Variants in H1-8 observed in about 807,000 individuals in gnomAD.
H1-8 encodes H1.8 linker histone.
In H1-8, 13 loss-of-function variants were observed where a neutral mutation model predicts 19.5. The ratio of observed to expected loss-of-function variants is 0.67; its 90% CI spans 0.43 to 1.06. The LOEUF (loss-of-function observed/expected upper bound fraction) is 1.06. H1-8 is among the 50% of genes least tolerant of loss of function. The pLI is 0.00. For synonymous variants in H1-8, 193 were observed against 187.6 expected, an observed-to-expected ratio of 1.03 and a Z score of -0.24; for missense variants, 432 against 459.8, an observed-to-expected ratio of 0.94 and a Z score of 0.55.
chr3:129,546,153 A>G (rs890673245), intron 1 of H1-8, among the ~76,000 whole-genome samples: 1 of 142,732 alleles, frequency 7.0e-6, no homozygotes, highest in Non-Finnish European at 1.5e-5. Context: ...TAATAATAAT[A>G]ATAATGATAA....
chr3:129,544,761 C>T (rs540166579), intron 1 of H1-8, among the ~76,000 whole-genome samples: 16 of 152,082 alleles, frequency 1.1e-4, no homozygotes, highest in African/African-American at 3.9e-4. Context: ...AGCGAAGACC[C>T]TTGGGAAGCC....
chr3:129,546,114 A>G (rs2084884733), intron 1 of H1-8, among the ~76,000 whole-genome samples: 1 of 115,392 alleles, frequency 8.7e-6, no homozygotes, highest in South Asian at 3.1e-4. Context: ...TGTGTCAAAT[A>G]ACAATAACAA....
intron 2 of H1-8, among the ~76,000 whole-genome samples, chr3:129,548,686 C>T (rs1338686648): frequency 1.3e-5 from 2 of 150,322 alleles, no homozygotes; most frequent in African/African-American, 2.4e-5. Context: ...TTCTGCTGAG[C>T]GTCAAGGGGC....
chr3:129,548,950 C>T (rs748844853), intron 2 of H1-8, 51 bp from the exon 3 acceptor site: 30 of 1,539,476 alleles, frequency 1.9e-5, no homozygotes, highest in South Asian at 7.7e-5. Context: ...GGGTGGGGGG[C>T]GTGAGGCACC....
chr3:129,544,067 G>A (rs923756027), intron 1 of H1-8, among the ~76,000 whole-genome samples: 3 of 152,310 alleles, frequency 2.0e-5, no homozygotes, highest in Middle Eastern at 3.4e-3. Flanking sequence ...AAACCAAGGT[G>A]CATTTTGAGC....
At position 129,549,164 on chromosome 3, in the gene H1-8, C is replaced by G; in HGVS notation, c.542C>G (p.Ala181Gly). The change falls in exon 3 of 5, where the codon GCA (alanine) becomes GGA (glycine). Residue 181 changes from alanine (A) to glycine (G), a missense_variant. By Grantham distance (60) the Ala-to-Gly change is moderately conservative (BLOSUM62 0). Coordinates refer to ENST00000324382, the MANE Select transcript of H1-8 (RefSeq NM_153833.3). ...GTGAAAAAGGCAGCCAAGAGGCCAGCAAAGGTGCAGAAGCCTCCTCCCAAG... is the reference window on the plus strand; with the variant it reads ...GTGAAAAAGGCAGCCAAGAGGCCAGGAAAGGTGCAGAAGCCTCCTCCCAAG... The part of the protein sequence containing the change: ...GKVKKAAKRP[A>G]KVQKPPPKPG... 1.3e-6 allele frequency: 2 copies of G among 1,565,696 alleles called. No homozygotes were observed. Among genetic ancestry groups the G allele is most frequent in the Non-Finnish European group, 1.7e-6 (2 of 1,154,394 alleles).
chr3:129,551,130 G>A lies in H1-8; in HGVS notation c.831G>A (p.Pro277=), dbSNP rs145246374. The A allele has an allele frequency of 2.9e-4, 468 of 1,613,850 alleles. No homozygotes were observed. The highest frequency in any genetic ancestry group is 3.0e-4 in the Non-Finnish European group (359 of 1,179,978). The change falls in exon 5 of 5, where the codon CCG becomes CCA. Residue 277 remains proline, a synonymous_variant. Transcript: ENST00000324382. ...AGGTCAAGAATGGTGCTGCTTCCCC[G>A]ACCAAAAAGAAGGTGGTGGCCAAGG... ...ASKVKNGAAS[P]TKKKVVAKAK...
intron 3 of H1-8, 80 bp from the exon 4 acceptor site, chr3:129,550,665 G>A: frequency 8.4e-7 from 1 of 1,194,116 alleles, no homozygotes. Context: ...AGGAATGGGG[G>A]TTCTAGAGCC....
At chr3:129,544,605 T>C (rs528272840) in intron 1 of H1-8, among the ~76,000 whole-genome samples, 2 of 151,762 alleles carry the variant, frequency 1.3e-5, no homozygotes, top group East Asian at 3.9e-4. Context: ...CATCCTGGTA[T>C]ACAGCAGGCA....
rs1380897824 is a variant in H1-8 at position 129,543,435 on chromosome 3, C to T, written c.88+129C>T. ...GCACCTACCCAGCACCCACCCAGCA[C>T]TCACCCAGCACTCACCCAGCACCCA... On this transcript the variant is annotated intron_variant, in intron 1 of 4. Coordinates refer to ENST00000324382, the MANE Select transcript of H1-8 (RefSeq NM_153833.3). 1.3e-5 allele frequency: 9 copies of T among 688,276 alleles called. No individual in the cohort carries two copies. The African/African-American group carries it at 1.4e-4, about 11-fold the overall frequency. 42.6% of individuals were successfully genotyped at this position (688,276 alleles called of 1,614,324 possible). A position where few individuals can be genotyped will look rare whatever the true frequency, so the allele number is the denominator to read the frequency against.
At chr3:129,547,327 C>G in intron 1 of H1-8, 64 bp from the exon 2 acceptor site, 3 of 1,441,102 alleles carry the variant, frequency 2.1e-6, no homozygotes, top group Non-Finnish European at 2.7e-6. Context: ...CCCCCACGGG[C>G]CAGCTGATGC....
At chr3:129,550,932 AG>A in intron 4 of H1-8, 123 bp downstream of exon 4, 8 of 1,022,210 alleles carry the variant, frequency 7.8e-6, no homozygotes, top group South Asian at 7.2e-5. Context: ...TTTCCTACAA[AG>A]CACAGTCCAC....
At position 129,549,345 on chromosome 3, in the gene H1-8, A is replaced by G. The variant is rs1389453129; in HGVS notation, c.723A>G (p.Lys241=). 1.9e-6 allele frequency: 3 copies of G among 1,594,800 alleles called. No individual in the cohort carries two copies. In the East Asian group the frequency reaches 6.7e-5, roughly 36 times the overall value. The change falls in exon 3 of 5, where the codon AAA becomes AAG. Residue 241 remains lysine (K), a synonymous_variant. Transcript: ENST00000324382. Reference sequence around the variant, plus strand: ...GGCTCAGCAGGAAGGCAAAGGCCAAAGGCAGCAGGAGCAGCCAAGGTAGTT... The same window carrying G: ...GGCTCAGCAGGAAGGCAAAGGCCAAGGGCAGCAGGAGCAGCCAAGGTAGTT... ...AGGLSRKAKA[K]GSRSSQGDAE...
At chr3:129,544,848 C>T (rs2084876289) in intron 1 of H1-8, among the ~76,000 whole-genome samples, 1 of 151,896 alleles carries the variant, frequency 6.6e-6, no homozygotes, top group Non-Finnish European at 1.5e-5. Flanking sequence ...AAGACTGAGG[C>T]CTAGAGGGAA....
intron 1 of H1-8, among the ~76,000 whole-genome samples, chr3:129,544,973 C>T (rs568576598): frequency 4.0e-5 from 6 of 151,198 alleles, no homozygotes; most frequent in Non-Finnish European, 5.9e-5. Context: ...CAACAGGGGT[C>T]GAAGTGATTA....
At chr3:129,543,458 C>T (rs544060390) in intron 1 of H1-8, 152 bp downstream of exon 1, 26 of 616,700 alleles carry the variant, frequency 4.2e-5, no homozygotes, top group Non-Finnish European at 7.0e-5. Flanking sequence ...CACCCAGCAC[C>T]CACCCAGCAC....
chr3:129,550,450 C>A (rs2084924985), intron 3 of H1-8, among the ~76,000 whole-genome samples: 1 of 152,098 alleles, frequency 6.6e-6, no homozygotes, highest in Non-Finnish European at 1.5e-5. Flanking sequence ...AAACTAAAGG[C>A]TCGAGCTGAC....
chr3:129,548,387 C>A (rs367605949), intron 2 of H1-8: 1 of 986,310 alleles, frequency 1.0e-6, no homozygotes, highest in Non-Finnish European at 1.2e-6. Context: ...CCTGGACTTG[C>A]GTCACAGCAG....
In H1-8 at chr3:129,550,961, C is replaced by T. The variant is rs1017724491; in HGVS notation, c.808-146C>T. The T allele has an allele frequency of 1.2e-5, 11 of 941,654 alleles. No individual in the cohort carries two copies. The African/African-American group carries it at 1.7e-4, about 14-fold the overall frequency. The allele number at this position is 941,654 out of a possible 1,614,324, so 58.3% of individuals were successfully genotyped here. A position where few individuals can be genotyped will look rare whatever the true frequency, so the allele number is the denominator to read the frequency against. On this transcript the variant is annotated intron_variant, in intron 4 of 4. Coordinates refer to ENST00000324382, the MANE Select transcript of H1-8 (RefSeq NM_153833.3). The stretch of plus-strand genomic sequence containing the variant: ...CAGTCCACCACCTTCTCTCTGGTCC[C>T]CTGGCACCCTGGGGGTGTTGCCATC...
Sources: allele counts gnomAD v4.1 joint callset (sites outside exome capture counted in the v4.1 genomes callset), GRCh38; gene constraint gnomAD v4.1.1; transcripts MANE v1.5; gene names NCBI Gene and HGNC (gene_info 2026-07-23, HGNC 2026-07-21).